OR3A2: variants seen among roughly 807,000 people sequenced by gnomAD.
The protein encoded by OR3A2 is olfactory receptor 3A2.
For synonymous variants in OR3A2, 126 were observed against 159.3 expected, an observed-to-expected ratio of 0.79 and a Z score of 1.57; for missense variants, 318 against 392.8, an observed-to-expected ratio of 0.81 and a Z score of 1.61.
At chr17:3,278,142 A>G in exon 2 of OR3A2, 1 of 1,614,262 alleles carries the variant, frequency 6.2e-7, no homozygotes, top group Non-Finnish European at 8.5e-7. Context: ...GTAGTTGAAG[A>G]TACCTCTTCC....
intron 3 of OR3A2, chr17:3,310,905 G>A (rs781558090): frequency 2.8e-6 from 2 of 722,204 alleles, no homozygotes; most frequent in South Asian, 1.3e-5. Context: ...TCATCTCAAT[G>A]GGCAGTTGCT....
chr17:3,376,613 AAAGG>A (rs2049687063), intron 2 of OR3A2, among the ~76,000 whole-genome samples: 1 of 152,166 alleles, frequency 6.6e-6, no homozygotes, highest in Non-Finnish European at 1.5e-5. Flanking sequence ...ATGCAGCCAG[AAAGG>A]CCAGTCTCAC....
chr17:3,340,649 C>T (rs1223909694), intron 2 of OR3A2, among the ~76,000 whole-genome samples: 1 of 152,040 alleles, frequency 6.6e-6, no homozygotes, highest in Non-Finnish European at 1.5e-5. Context: ...TGATTTCTGT[C>T]CTTTTACATT....
intron 3 of OR3A2, among the ~76,000 whole-genome samples, chr17:3,322,701 C>A (rs973032919): frequency 2.0e-5 from 3 of 152,108 alleles, no homozygotes; most frequent in Admixed American, 6.6e-5. Flanking sequence ...TTTCTTAATT[C>A]TGAGTTCTAG....
Position 3,299,221 on chromosome 17 carries a change from C to T in OR3A2, c.-84-20068G>A, listed in dbSNP as rs142385628. Among the ~76,000 whole-genome samples the T allele has an allele frequency of 6.4e-3, 971 of 152,260 alleles. 9 individuals are homozygous for T. Among genetic ancestry groups the T allele is most frequent in the African/African-American group, 0.021 (876 of 41,544 alleles). On this transcript the variant is annotated intron_variant, in intron 3 of 4. Transcript: ENST00000573491. ...GAGCGTTGTTCTCCCAGATTCCTCT[C>T]GGAACAAGAGTTCTGAGCAGAGAGA...
intron 3 of OR3A2, among the ~76,000 whole-genome samples, chr17:3,329,332 A>G (rs976838150): frequency 6.7e-6 from 1 of 149,508 alleles, no homozygotes; most frequent in African/African-American, 2.5e-5. Flanking sequence ...CTGTGAATCC[A>G]TCTGGTCCTG....
At chr17:3,314,613 G>A (rs779505456) in intron 3 of OR3A2, among the ~76,000 whole-genome samples, 4 of 151,988 alleles carry the variant, frequency 2.6e-5, no homozygotes, top group Admixed American at 6.5e-5. Flanking sequence ...AATGACTTTC[G>A]GTTTTTACTC....
intron 3 of OR3A2, among the ~76,000 whole-genome samples, chr17:3,323,425 A>G (rs9910673): frequency 0.15 from 22,730 of 151,998 alleles, 2,318 homozygotes; most frequent in African/African-American, 0.28. Context: ...TATTTTGCCC[A>G]TTACTTGATG....
intron 3 of OR3A2, among the ~76,000 whole-genome samples, chr17:3,307,097 G>A (rs1315931504): frequency 6.6e-6 from 1 of 152,210 alleles, no homozygotes; most frequent in African/African-American, 2.4e-5. Context: ...CTGGGAGGGA[G>A]ATAAAAACTG....
intron 3 of OR3A2, among the ~76,000 whole-genome samples, chr17:3,315,197 G>T (rs2049071713): frequency 6.6e-6 from 1 of 152,200 alleles, no homozygotes; most frequent in Non-Finnish European, 1.5e-5. Flanking sequence ...CTTTGGATAT[G>T]TATCCAGTAA....
At chr17:3,296,444 T>C (rs913634714) in intron 3 of OR3A2, among the ~76,000 whole-genome samples, 10 of 152,126 alleles carry the variant, frequency 6.6e-5, no homozygotes, top group Non-Finnish European at 1.0e-4. Context: ...AAAGTCATAA[T>C]AAAAGCAAAA....
chr17:3,372,627 G>A (rs935227237), intron 2 of OR3A2, among the ~76,000 whole-genome samples: 162 of 152,208 alleles, frequency 1.1e-3, no homozygotes, highest in African/African-American at 3.7e-3. Flanking sequence ...CTGGAGACCA[G>A]CCCGGCCATC....
At chr17:3,357,180 TAG>T (rs1463982417) in intron 2 of OR3A2, among the ~76,000 whole-genome samples, 1 of 151,712 alleles carries the variant, frequency 6.6e-6, no homozygotes, top group Admixed American at 6.6e-5. Context: ...CTAATACAGC[TAG>T]TCCATGAAGC....
chr17:3,347,343 A>G (rs1026703998), intron 2 of OR3A2, among the ~76,000 whole-genome samples: 7 of 152,114 alleles, frequency 4.6e-5, no homozygotes, highest in African/African-American at 1.4e-4. Flanking sequence ...CGCTGCACCC[A>G]CTAACTCATC....
At chr17:3,354,590 T>TG (rs2049449028) in intron 2 of OR3A2, among the ~76,000 whole-genome samples, 3 of 151,470 alleles carry the variant, frequency 2.0e-5, no homozygotes, top group South Asian at 2.1e-4. Context: ...CAAAGTTCCG[T>TG]GGTATCAGTA....
At chr17:3,351,715 G>GC (rs1453582337) in intron 2 of OR3A2, among the ~76,000 whole-genome samples, 16 of 150,404 alleles carry the variant, frequency 1.1e-4, no homozygotes, top group African/African-American at 3.9e-4. Context: ...AAAAGAGCCC[G>GC]CATCACCAAG....
At chr17:3,349,159 A>G (rs1402556123) in intron 2 of OR3A2, among the ~76,000 whole-genome samples, 1 of 152,100 alleles carries the variant, frequency 6.6e-6, no homozygotes, top group Admixed American at 6.6e-5. Context: ...TCATAATGAC[A>G]AGATCAAATT....
At chr17:3,290,392 A>C (rs1351445961) in intron 3 of OR3A2, among the ~76,000 whole-genome samples, 1 of 152,098 alleles carries the variant, frequency 6.6e-6, no homozygotes, top group East Asian at 1.9e-4. Context: ...ATTCTCTCCC[A>C]GTTCTCCCTA....
intron 3 of OR3A2, among the ~76,000 whole-genome samples, chr17:3,322,115 C>T (rs533336016): frequency 6.5e-4 from 99 of 152,178 alleles, no homozygotes; most frequent in Admixed American, 4.6e-4. Context: ...ATGTACGTGT[C>T]GAGAAATTTA....
Sources: gnomAD v4.1 joint callset for allele counts (sites outside exome capture counted in the v4.1 genomes callset) on GRCh38, gnomAD v4.1.1 for gene constraint, MANE v1.5 for transcripts, NCBI Gene and HGNC (gene_info 2026-07-23, HGNC 2026-07-21) for gene names.